Variants in OPCML observed in about 807,000 individuals in gnomAD.
OPCML encodes opioid binding protein/cell adhesion molecule like, also known as opioid-binding protein/cell adhesion molecule.
In OPCML, 13 loss-of-function variants were observed where a neutral mutation model predicts 37.8. That is an observed-to-expected ratio of 0.34 (90% CI 0.22 to 0.55). The LOEUF (loss-of-function observed/expected upper bound fraction) is 0.55, where lower values mean the gene tolerates loss of function less well. OPCML is among the 20% of genes least tolerant of loss of function. OPCML has a pLI of 0.91. For synonymous variants in OPCML, 176 were observed against 168.8 expected, an observed-to-expected ratio of 1.04 and a Z score of -0.33; for missense variants, 341 against 435.6, an observed-to-expected ratio of 0.78 and a Z score of 1.93.
chr11:132,439,707 T>A (rs1237181033), intron 4 of OPCML, among the ~76,000 whole-genome samples: 1 of 150,972 alleles, frequency 6.6e-6, no homozygotes, highest in Non-Finnish European at 1.5e-5. Flanking sequence ...CATTTTTTTT[T>A]TTTTTCCTGA....
intron 1 of OPCML, among the ~76,000 whole-genome samples, chr11:133,504,971 T>C (rs568179291): frequency 6.6e-6 from 1 of 152,176 alleles, no homozygotes; most frequent in East Asian, 1.9e-4. Context: ...CTAAGAAAGG[T>C]TGAGACACCC....
intron 1 of OPCML, among the ~76,000 whole-genome samples, chr11:132,970,651 T>C (rs890923615): frequency 1.3e-5 from 2 of 152,184 alleles, no homozygotes; most frequent in African/African-American, 4.8e-5. Flanking sequence ...AAATGTCACA[T>C]AAACCCTCAT....
chr11:133,316,897 A>G (rs1213709514), intron 1 of OPCML, among the ~76,000 whole-genome samples: 2 of 152,186 alleles, frequency 1.3e-5, no homozygotes, highest in Non-Finnish European at 2.9e-5. Context: ...ATTTCACTGA[A>G]GCTAACATGT....
At chr11:132,420,637 T>C (rs959349127) in intron 7 of OPCML, among the ~76,000 whole-genome samples, 4 of 152,220 alleles carry the variant, frequency 2.6e-5, no homozygotes, top group Admixed American at 6.5e-5. Context: ...CTGTGTGCTA[T>C]ACTTGGAGAG....
At chr11:132,644,480 G>GA (rs1399030418) in intron 3 of OPCML, among the ~76,000 whole-genome samples, 1 of 151,350 alleles carries the variant, frequency 6.6e-6, no homozygotes, top group South Asian at 2.1e-4. Context: ...CAGAAATTAA[G>GA]AAAAAATAAG....
chr11:133,011,396 A>G (rs1947210336), intron 1 of OPCML, among the ~76,000 whole-genome samples: 1 of 152,208 alleles, frequency 6.6e-6, no homozygotes, highest in African/African-American at 2.4e-5. Context: ...GCAACCTTGA[A>G]TAATACCCAC....
intron 1 of OPCML, among the ~76,000 whole-genome samples, chr11:133,376,288 G>A (rs1944802335): frequency 6.6e-6 from 1 of 152,110 alleles, no homozygotes; most frequent in African/African-American, 2.4e-5. Flanking sequence ...CAGTAAAAAA[G>A]TTATTCTATG....
intron 2 of OPCML, among the ~76,000 whole-genome samples, chr11:132,718,867 A>C (rs910096496): frequency 1.3e-5 from 2 of 152,114 alleles, no homozygotes; most frequent in Non-Finnish European, 2.9e-5. Flanking sequence ...CTATTTTACA[A>C]ATTTTATCAA....
At chr11:132,780,895 C>G (rs1344885209) in intron 2 of OPCML, among the ~76,000 whole-genome samples, 2 of 152,160 alleles carry the variant, frequency 1.3e-5, no homozygotes, top group African/African-American at 4.8e-5. Flanking sequence ...TGTAAGCAGA[C>G]TCACTGGGGA....
At chr11:132,564,723 TA>T (rs199497855) in intron 3 of OPCML, among the ~76,000 whole-genome samples, 7 of 151,284 alleles carry the variant, frequency 4.6e-5, no homozygotes, top group African/African-American at 7.3e-5. Flanking sequence ...TCTACAGTGT[TA>T]AAAAAAAAGC....
chr11:133,510,798 G>A (rs1948139788), intron 1 of OPCML, among the ~76,000 whole-genome samples: 1 of 151,964 alleles, frequency 6.6e-6, no homozygotes, highest in African/African-American at 2.4e-5. Flanking sequence ...GCTGCATGTT[G>A]GACTCTCTTC....
chr11:132,828,246 G>GGGAT (rs1329175804), intron 2 of OPCML, among the ~76,000 whole-genome samples: 3 of 152,126 alleles, frequency 2.0e-5, no homozygotes, highest in Non-Finnish European at 4.4e-5. Context: ...GGGGCAGGAA[G>GGGAT]GGATGAGCGC....
intron 1 of OPCML, among the ~76,000 whole-genome samples, chr11:133,255,594 G>A (rs1280509321): frequency 6.6e-6 from 1 of 152,090 alleles, no homozygotes; most frequent in African/African-American, 2.4e-5. Flanking sequence ...CAAAAATGAA[G>A]AAGAAAAACA....
chr11:133,248,566 G>A (rs926243557), intron 1 of OPCML, among the ~76,000 whole-genome samples: 2 of 152,254 alleles, frequency 1.3e-5, no homozygotes, highest in Non-Finnish European at 2.9e-5. Flanking sequence ...CCCTGCAGCT[G>A]TGCTCAGAAT....
chr11:132,533,480 A>T (rs2137318062), intron 3 of OPCML, among the ~76,000 whole-genome samples: 1 of 152,326 alleles, frequency 6.6e-6, no homozygotes, highest in Middle Eastern at 3.4e-3. Context: ...CAAATAGATG[A>T]CCAATAGACA....
chr11:133,450,988 G>A (rs1170742143), intron 1 of OPCML, among the ~76,000 whole-genome samples: 1 of 151,618 alleles, frequency 6.6e-6, no homozygotes, highest in Non-Finnish European at 1.5e-5. Context: ...CCATATATAT[G>A]TATATGCAAT....
chr11:132,999,567 G>GT (rs770850222), intron 1 of OPCML, among the ~76,000 whole-genome samples: 5 of 146,890 alleles, frequency 3.4e-5, no homozygotes, highest in Admixed American at 6.6e-5. Flanking sequence ...GACAAATGGG[G>GT]TCGGGGGGGG....
At chr11:132,880,019 C>T (rs1310231265) in intron 2 of OPCML, among the ~76,000 whole-genome samples, 1 of 152,122 alleles carries the variant, frequency 6.6e-6, no homozygotes, top group South Asian at 2.1e-4. Context: ...GTAATCGGCT[C>T]ACTTCCCAGA....
chr11:133,314,824 A>G (rs569631477), intron 1 of OPCML, among the ~76,000 whole-genome samples: 2 of 152,352 alleles, frequency 1.3e-5, no homozygotes, highest in South Asian at 4.1e-4. Flanking sequence ...ATCACTGCAG[A>G]CGGCAGAGAG....
Sources: allele counts gnomAD v4.1 joint callset (sites outside exome capture counted in the v4.1 genomes callset), GRCh38; gene constraint gnomAD v4.1.1; transcripts MANE v1.5; gene names NCBI Gene and HGNC (gene_info 2026-07-23, HGNC 2026-07-21).